The following AKR1C8 variants were observed in gnomAD, a reference collection of about 807,000 sequenced individuals.
AKR1C8 encodes aldo-keto reductase family 1 member C-like protein 1.
chr10:5,167,798 A>G, the AKR1C8 span, among the ~76,000 whole-genome samples: 1 of 152,076 alleles, frequency 6.6e-6, no homozygotes, highest in Non-Finnish European at 1.5e-5. Context: ...ACAGTAAATG[A>G]TTAGGCTTAT....
chr10:5,158,531 G>T, the AKR1C8 span: 2 of 406,650 alleles, frequency 4.9e-6, no homozygotes, highest in African/African-American at 2.1e-5. Flanking sequence ...TTAAAACTTC[G>T]CTTTAATAGG....
chr10:5,139,221 C>A, the AKR1C8 span, among the ~76,000 whole-genome samples: 3 of 152,314 alleles, frequency 2.0e-5, no homozygotes, highest in Admixed American at 6.5e-5. Flanking sequence ...AATGGCCATA[C>A]TGCCCAAGGT....
the AKR1C8 span, among the ~76,000 whole-genome samples, chr10:5,176,795 A>C: frequency 1.3e-5 from 2 of 152,156 alleles, no homozygotes; most frequent in African/African-American, 2.4e-5. Context: ...TTATTGGTGT[A>C]TAAGAATGCT....
chr10:5,153,987 ATCT>A, the AKR1C8 span, among the ~76,000 whole-genome samples: 1 of 152,158 alleles, frequency 6.6e-6, no homozygotes, highest in African/African-American at 2.4e-5. Flanking sequence ...AAAAACAAAC[ATCT>A]TCTTGTTAAA....
At chr10:5,139,459 A>G in the AKR1C8 span, among the ~76,000 whole-genome samples, 2 of 152,332 alleles carry the variant, frequency 1.3e-5, no homozygotes, top group South Asian at 2.1e-4. Context: ...AGAGATATAG[A>G]CCAATGGAAC....
the AKR1C8 span, among the ~76,000 whole-genome samples, chr10:5,138,214 G>T: frequency 5.9e-5 from 9 of 152,198 alleles, no homozygotes; most frequent in East Asian, 1.5e-3. Context: ...GGAGACCAGG[G>T]TGTATCTCAG....
the AKR1C8 span, among the ~76,000 whole-genome samples, chr10:5,119,299 C>T: frequency 2.6e-5 from 4 of 152,138 alleles, no homozygotes; most frequent in East Asian, 3.8e-4. Context: ...TAATGAGATG[C>T]ACTGCTTTAA....
the AKR1C8 span, among the ~76,000 whole-genome samples, chr10:5,137,574 A>C: frequency 1.3e-5 from 2 of 152,102 alleles, no homozygotes; most frequent in African/African-American, 2.4e-5. Context: ...AACTCTCAAT[A>C]AACTAGGTAA....
chr10:5,133,295 G>A, the AKR1C8 span, among the ~76,000 whole-genome samples: 59 of 151,956 alleles, frequency 3.9e-4, no homozygotes, highest in Non-Finnish European at 3.1e-4. Flanking sequence ...ACGGGGTTTC[G>A]CTATGTTGCC....
chr10:5,142,712 G>A, the AKR1C8 span, among the ~76,000 whole-genome samples: 1 of 152,060 alleles, frequency 6.6e-6, no homozygotes, highest in African/African-American at 2.4e-5. Flanking sequence ...GCACAGTTTA[G>A]GGTATCCCAA....
chr10:5,122,142 T>C, the AKR1C8 span: 2 of 400,810 alleles, frequency 5.0e-6, no homozygotes, highest in Admixed American at 5.8e-5. Flanking sequence ...TTTCATGTCC[T>C]CTGGAGTCAA....
At chr10:5,174,630 A>G in the AKR1C8 span, among the ~76,000 whole-genome samples, 2 of 152,090 alleles carry the variant, frequency 1.3e-5, no homozygotes, top group African/African-American at 2.4e-5. Flanking sequence ...CATATCAATA[A>G]AACAACTTAC....
chr10:5,120,567 C>T, the AKR1C8 span, among the ~76,000 whole-genome samples: 93 of 151,986 alleles, frequency 6.1e-4, 1 homozygote, highest in South Asian at 0.019. Context: ...AGTTAGTGTG[C>T]CAGGAGCTGT....
chr10:5,136,368 C>A, the AKR1C8 span, among the ~76,000 whole-genome samples: 1 of 152,052 alleles, frequency 6.6e-6, no homozygotes, highest in Non-Finnish European at 1.5e-5. Context: ...GCGAATATGA[C>A]GAAACCTCGT....
At chr10:5,158,659 C>T in the AKR1C8 span, 5 of 490,668 alleles carry the variant, frequency 1.0e-5, no homozygotes, top group Non-Finnish European at 4.3e-6. Flanking sequence ...TGTCCTTGGA[C>T]TTGCAGAACT....
At chr10:5,162,529 G>A in the AKR1C8 span, among the ~76,000 whole-genome samples, 2 of 152,234 alleles carry the variant, frequency 1.3e-5, no homozygotes, top group South Asian at 4.1e-4. Flanking sequence ...ATTAATATGT[G>A]ACCTTACTTG....
the AKR1C8 span, among the ~76,000 whole-genome samples, chr10:5,171,094 G>A: frequency 7.9e-5 from 12 of 152,064 alleles, no homozygotes; most frequent in African/African-American, 2.4e-4. Flanking sequence ...TTCCTGTCCT[G>A]TTTGATATTA....
At chr10:5,180,796 T>C in the AKR1C8 span, among the ~76,000 whole-genome samples, 4 of 152,234 alleles carry the variant, frequency 2.6e-5, no homozygotes, top group Admixed American at 2.0e-4. Context: ...GAGCCATGTG[T>C]GGGATATAAT....
chr10:5,157,492 C>G, the AKR1C8 span: 1 of 285,472 alleles, frequency 3.5e-6, no homozygotes, highest in Non-Finnish European at 7.0e-6. Flanking sequence ...GCCCTCTCGT[C>G]GATCCTTCCA....
Sources: allele counts gnomAD v4.1 joint callset (sites outside exome capture counted in the v4.1 genomes callset), GRCh38; gene constraint gnomAD v4.1.1; transcripts MANE v1.5; gene names NCBI Gene and HGNC (gene_info 2026-07-23, HGNC 2026-07-21).